Variants in NBAS observed in about 807,000 individuals in gnomAD.
The protein encoded by NBAS is NAG/BC035112 fusion.
NBAS carries 219 observed loss-of-function variants against 302.5 expected under a neutral mutation model. The ratio of observed to expected loss-of-function variants is 0.72; its 90% CI spans 0.65 to 0.81. The LOEUF is 0.81. Ranked by LOEUF, NBAS falls within the 30% of genes least tolerant of loss-of-function variation. NBAS has a pLI of 0.00. For synonymous variants in NBAS, 1,118 were observed against 1,021.6 expected, an observed-to-expected ratio of 1.09 and a Z score of -1.80; for missense variants, 2,932 against 2,841.6, an observed-to-expected ratio of 1.03 and a Z score of -0.72.
chr2:14,937,739 T>A, the NBAS span, among the ~76,000 whole-genome samples: 1 of 152,176 alleles, frequency 6.6e-6, no homozygotes, highest in Non-Finnish European at 1.5e-5. Flanking sequence ...GCTCCGAGGC[T>A]TCTTGGAAAA....
chr2:14,849,952 A>G, the NBAS span, among the ~76,000 whole-genome samples: 1 of 138,148 alleles, frequency 7.2e-6, no homozygotes, highest in Admixed American at 6.8e-5. Context: ...GAAAGGAACA[A>G]CTGGTACGAG....
At chr2:15,133,322 G>C in the NBAS span, among the ~76,000 whole-genome samples, 1 of 151,762 alleles carries the variant, frequency 6.6e-6, no homozygotes, top group Non-Finnish European at 1.5e-5. Flanking sequence ...GGACATAGCG[G>C]GGGGGGGGCA....
At chr2:15,333,689 A>C (rs775011483) in intron 35 of NBAS, among the ~76,000 whole-genome samples, 38 of 152,078 alleles carry the variant, frequency 2.5e-4, no homozygotes, top group Non-Finnish European at 5.0e-4. Context: ...ACAAGTAGAG[A>C]AATTCCATCC....
rs189004244 is a variant in NBAS, at chr2:15,415,959, C to T, written c.2764-240G>A. Among the ~76,000 whole-genome samples, 17 of 152,246 alleles carry T rather than the reference C, an allele frequency of 1.1e-4. No individual in the cohort carries two copies. In the East Asian group the frequency reaches 3.3e-3, roughly 29 times the overall value. On this transcript the variant is annotated intron_variant, in intron 24 of 51. Transcript: ENST00000281513. ...TGACAGCAACAATATCACTATGGCT[C>T]ATCTCTTTACATCATAAGCAATATG...
chr2:15,300,567 T>C (rs1670751716), intron 40 of NBAS, among the ~76,000 whole-genome samples: 1 of 152,200 alleles, frequency 6.6e-6, no homozygotes, highest in South Asian at 2.1e-4. Flanking sequence ...ACTGCAAACC[T>C]GAAGCCTCAA....
chr2:15,448,008 C>T (rs78698191), intron 21 of NBAS, among the ~76,000 whole-genome samples: 1,934 of 152,230 alleles, frequency 0.013, 32 homozygotes, highest in East Asian at 0.059. Flanking sequence ...AACAAAATGG[C>T]AAGAGAGCAC....
intron 44 of NBAS, among the ~76,000 whole-genome samples, chr2:15,262,151 A>T (rs1558484509): frequency 6.6e-6 from 1 of 152,210 alleles, no homozygotes; most frequent in Non-Finnish European, 1.5e-5. Flanking sequence ...TTGGTCTTAT[A>T]GGAGGCTCTG....
At chr2:14,785,725 T>G in the NBAS span, among the ~76,000 whole-genome samples, 1 of 152,240 alleles carries the variant, frequency 6.6e-6, no homozygotes, top group African/African-American at 2.4e-5. Flanking sequence ...AGTTTGCCAG[T>G]ATTTTATTGA....
chr2:15,053,196 G>T, the NBAS span, among the ~76,000 whole-genome samples: 2 of 152,254 alleles, frequency 1.3e-5, no homozygotes, highest in African/African-American at 4.8e-5. Flanking sequence ...AAGGTACATT[G>T]ATTTTAAAAT....
chr2:15,285,175 C>T (rs1256771754), intron 42 of NBAS, among the ~76,000 whole-genome samples: 2 of 152,160 alleles, frequency 1.3e-5, no homozygotes, highest in East Asian at 3.8e-4. Context: ...ATCACACTAT[C>T]TTCCATGTAG....
At chr2:15,096,923 G>A in the NBAS span, among the ~76,000 whole-genome samples, 1 of 152,238 alleles carries the variant, frequency 6.6e-6, no homozygotes, top group East Asian at 1.9e-4. Flanking sequence ...GGAGCTTATA[G>A]ACTCAGGGAC....
intron 40 of NBAS, among the ~76,000 whole-genome samples, chr2:15,295,273 A>G (rs183239924): frequency 4.6e-5 from 7 of 152,356 alleles, no homozygotes; most frequent in African/African-American, 1.7e-4. Context: ...TTATTGCTAC[A>G]AACATTTCCA....
the NBAS span, among the ~76,000 whole-genome samples, chr2:15,074,534 A>G: frequency 1.3e-5 from 2 of 152,134 alleles, no homozygotes; most frequent in African/African-American, 4.8e-5. Context: ...GAAGTCACAA[A>G]GAAATACAGC....
chr2:14,948,260 G>A, the NBAS span, among the ~76,000 whole-genome samples: 1 of 151,904 alleles, frequency 6.6e-6, no homozygotes, highest in African/African-American at 2.4e-5. Flanking sequence ...CCATCTTTTT[G>A]TGGAGTTTGA....
chr2:15,108,439 C>T, the NBAS span, among the ~76,000 whole-genome samples: 1 of 152,186 alleles, frequency 6.6e-6, no homozygotes, highest in Non-Finnish European at 1.5e-5. Flanking sequence ...TTGCTCTTTC[C>T]ACCATACCAT....
chr2:15,377,765 G>C (rs1010584383), intron 30 of NBAS, among the ~76,000 whole-genome samples: 5 of 152,184 alleles, frequency 3.3e-5, no homozygotes, highest in African/African-American at 1.2e-4. Flanking sequence ...AAATGCTGCA[G>C]ATCTGTATAC....
intron 9 of NBAS, among the ~76,000 whole-genome samples, chr2:15,522,266 C>A (rs1463934044): frequency 1.3e-5 from 2 of 152,030 alleles, no homozygotes; most frequent in African/African-American, 2.4e-5. Flanking sequence ...ATAAGGATGG[C>A]ACTAGAAATG....
the NBAS span, among the ~76,000 whole-genome samples, chr2:14,952,044 G>A: frequency 6.6e-6 from 1 of 152,170 alleles, no homozygotes; most frequent in Non-Finnish European, 1.5e-5. Context: ...ATTCCAGATG[G>A]TAGAGCCACT....
At position 15,334,714 on chromosome 2, in the gene NBAS, C is replaced by G. The variant is rs140016832; in HGVS notation, c.4180-3949G>C. On this transcript the variant is annotated intron_variant, in intron 35 of 51. Transcript: ENST00000281513. ...CAGCCCCATGATGCAAAGACAATTA[C>G]AGCCAGCATATATTCTCCTTTCCTG... Among the ~76,000 whole-genome samples, 417 of 152,306 alleles carry G rather than the reference C, an allele frequency of 2.7e-3. 1 individual carries two copies. Among genetic ancestry groups the G allele is most frequent in the African/African-American group, 9.3e-3 (388 of 41,566 alleles).
Sources: gnomAD v4.1 joint callset for allele counts (sites outside exome capture counted in the v4.1 genomes callset) on GRCh38, gnomAD v4.1.1 for gene constraint, MANE v1.5 for transcripts, NCBI Gene and HGNC (gene_info 2026-07-23, HGNC 2026-07-21) for gene names.